Variants in AK5 observed in about 807,000 individuals in gnomAD.
AK5 encodes the protein adenylate kinase isoenzyme 5.
In AK5, 27 loss-of-function variants were observed where a neutral mutation model predicts 69.5. The ratio of observed to expected loss-of-function variants is 0.39; its 90% CI spans 0.29 to 0.54. The LOEUF (loss-of-function observed/expected upper bound fraction) is 0.54, where lower values mean the gene tolerates loss of function less well. AK5 is among the 20% of genes least tolerant of loss of function. The pLI, the probability that AK5 is intolerant of heterozygous loss-of-function variation, is 0.71. For missense variants in AK5, 531 were observed against 700.4 expected, an observed-to-expected ratio of 0.76 and a Z score of 2.73; for synonymous variants, 260 against 244.4, an observed-to-expected ratio of 1.06 and a Z score of -0.60.
intron 13 of AK5, among the ~76,000 whole-genome samples, chr1:77,553,758 G>A (rs986227095): frequency 6.6e-6 from 1 of 152,088 alleles, no homozygotes; most frequent in Non-Finnish European, 1.5e-5. Context: ...CTTCTTACCC[G>A]TCCCTGCTAC....
At chr1:77,294,000 C>T (rs775789746) in intron 3 of AK5, 40 bp downstream of exon 3, 3 of 1,570,108 alleles carry the variant, frequency 1.9e-6, no homozygotes. Context: ...ACCGTTGCTG[C>T]CTTTGTTTAT....
At chr1:77,446,216 C>G (rs1652742378) in intron 8 of AK5, among the ~76,000 whole-genome samples, 1 of 152,058 alleles carries the variant, frequency 6.6e-6, no homozygotes, top group African/African-American at 2.4e-5. Context: ...TTTTTGGTGC[C>G]CTTGCTGAAA....
chr1:77,496,007 G>A (rs1369635952), intron 10 of AK5, among the ~76,000 whole-genome samples: 1 of 152,174 alleles, frequency 6.6e-6, no homozygotes, highest in Admixed American at 6.5e-5. Context: ...AGGATACAAA[G>A]ATGAAAGGCA....
intron 5 of AK5, among the ~76,000 whole-genome samples, chr1:77,300,712 C>G (rs989197920): frequency 4.6e-5 from 7 of 152,126 alleles, no homozygotes; most frequent in African/African-American, 1.7e-4. Context: ...GAGCTTAGTT[C>G]CACAAGTCTG....
intron 12 of AK5, among the ~76,000 whole-genome samples, chr1:77,533,656 A>G (rs1302785758): frequency 6.6e-6 from 1 of 151,880 alleles, no homozygotes; most frequent in Middle Eastern, 3.2e-3. Context: ...AGAAAAAGCT[A>G]CCTCTCTGCC....
intron 5 of AK5, among the ~76,000 whole-genome samples, chr1:77,303,185 A>C (rs1304124919): frequency 6.6e-6 from 1 of 152,204 alleles, no homozygotes; most frequent in Non-Finnish European, 1.5e-5. Flanking sequence ...ACATTCATGC[A>C]GAGATGCGGG....
In AK5 at chr1:77,558,942, ACT is replaced by A. The variant is rs1660281835; in HGVS notation, c.*274_*275del. The stretch of plus-strand genomic sequence containing the variant: ...ACACACTTTGTATCATGCAGGCCAC[ACT>A]CAGAGCTAGTCAGTACATGAACAGT... On this transcript the variant is annotated 3_prime_UTR_variant, in exon 14 of 14. Transcript: ENST00000354567. The A allele has an allele frequency of 2.8e-6, 1 of 352,680 alleles. No homozygotes were observed. Among genetic ancestry groups the A allele is most frequent in the Admixed American group, 4.3e-5 (1 of 23,082 alleles). The allele number at this position is 352,680 out of a possible 1,614,324, so 21.8% of individuals were successfully genotyped here. A position where few individuals can be genotyped will look rare whatever the true frequency, so the allele number is the denominator to read the frequency against.
At chr1:77,554,809 G>C (rs1660002180) in intron 13 of AK5, among the ~76,000 whole-genome samples, 2 of 150,086 alleles carry the variant, frequency 1.3e-5, no homozygotes, top group Non-Finnish European at 3.0e-5. Flanking sequence ...GTAGAGACGG[G>C]GTTTCGCCAT....
intron 6 of AK5, among the ~76,000 whole-genome samples, chr1:77,367,700 G>A (rs527508438): frequency 1.9e-5 from 1 of 52,382 alleles, no homozygotes; most frequent in Non-Finnish European, 3.6e-5. Flanking sequence ...TACGTTATAT[G>A]TTATATATAT....
chr1:77,440,547 C>T (rs1396342193), intron 8 of AK5, among the ~76,000 whole-genome samples: 1 of 152,110 alleles, frequency 6.6e-6, no homozygotes, highest in Non-Finnish European at 1.5e-5. Flanking sequence ...CTAGCTATTA[C>T]ATCATTAAAT....
chr1:77,432,426 C>T (rs1472151454), intron 8 of AK5, among the ~76,000 whole-genome samples: 1 of 152,140 alleles, frequency 6.6e-6, no homozygotes, highest in African/African-American at 2.4e-5. Context: ...AGTATTTTGG[C>T]CACAATCTCA....
At chr1:77,293,056 C>T (rs1658779313) in intron 2 of AK5, among the ~76,000 whole-genome samples, 1 of 152,042 alleles carries the variant, frequency 6.6e-6, no homozygotes, top group Admixed American at 6.6e-5. Context: ...ATTGTAGATA[C>T]AAACTTAAAC....
intron 6 of AK5, 72 bp from the exon 7 acceptor site, chr1:77,410,909 C>A: frequency 4.4e-6 from 5 of 1,145,108 alleles, no homozygotes; most frequent in Non-Finnish European, 6.5e-6. Context: ...GTGATGGATG[C>A]TCATTATATT....
At chr1:77,430,523 G>A (rs1423687303) in intron 8 of AK5, among the ~76,000 whole-genome samples, 1 of 152,190 alleles carries the variant, frequency 6.6e-6, no homozygotes, top group Non-Finnish European at 1.5e-5. Context: ...GGAAATATCT[G>A]AGCTGGAAAT....
chr1:77,390,875 T>G (rs1271644780), intron 6 of AK5, among the ~76,000 whole-genome samples: 1 of 152,240 alleles, frequency 6.6e-6, no homozygotes, highest in Non-Finnish European at 1.5e-5. Flanking sequence ...AAAATGTTTG[T>G]GTACAATCAC....
In AK5 at chr1:77,284,803, T is replaced by C. The variant is rs142698149; in HGVS notation, c.61-2138T>C. Among the ~76,000 whole-genome samples, 494 of 152,316 alleles carry C rather than the reference T, an allele frequency of 3.2e-3. 3 individuals carry two copies. The highest frequency in any genetic ancestry group is 0.011 in the African/African-American group (476 of 41,574). Reference sequence around the variant, plus strand: ...AGTGGCTGGCTATTAGAAGAAAAGATTTGAATTATCCGTGAAGGAATGGAG... The same window carrying C: ...AGTGGCTGGCTATTAGAAGAAAAGACTTGAATTATCCGTGAAGGAATGGAG... On this transcript the variant is annotated intron_variant, in intron 1 of 13. Coordinates refer to ENST00000354567, the MANE Select transcript of AK5 (RefSeq NM_174858.3).
At chr1:77,516,763 G>A (rs547939162) in intron 10 of AK5, among the ~76,000 whole-genome samples, 226 of 152,124 alleles carry the variant, frequency 1.5e-3, no homozygotes, top group Middle Eastern at 6.8e-3. Context: ...GACAGTGCTG[G>A]AGGAGGGTAA....
At chr1:77,498,272 T>C (rs1463482089) in intron 10 of AK5, among the ~76,000 whole-genome samples, 1 of 152,022 alleles carries the variant, frequency 6.6e-6, no homozygotes, top group Non-Finnish European at 1.5e-5. Context: ...TCCAGAGGAA[T>C]GGGAAGGGGT....
intron 12 of AK5, among the ~76,000 whole-genome samples, chr1:77,534,555 T>C (rs1422634290): frequency 1.3e-5 from 2 of 152,252 alleles, no homozygotes; most frequent in African/African-American, 4.8e-5. Flanking sequence ...TATTTAATTT[T>C]ATTTCATCCT....
Sources: allele counts gnomAD v4.1 joint callset (sites outside exome capture counted in the v4.1 genomes callset), GRCh38; gene constraint gnomAD v4.1.1; transcripts MANE v1.5; gene names NCBI Gene and HGNC (gene_info 2026-07-23, HGNC 2026-07-21).